The following ZNF776 variants were observed in gnomAD, a reference collection of about 807,000 sequenced individuals.
ZNF776 encodes zinc finger protein 776.
In ZNF776, 4 loss-of-function variants were observed where a neutral mutation model predicts 7.0. The ratio of observed to expected loss-of-function variants is 0.57; its 90% CI spans 0.28 to 1.31. ZNF776 has a LOEUF of 1.31. Ranked by LOEUF, ZNF776 falls within the 50% of genes most tolerant of loss-of-function variation. The pLI is 0.10. For missense variants in ZNF776, 555 were observed against 625.9 expected (o/e 0.89, Z 1.21); for synonymous variants, 212 against 213.7 (o/e 0.99, Z 0.07).
chr19:57,748,809 G>T (rs1167556518), intron 1 of ZNF776, among the ~76,000 whole-genome samples: 1 of 152,058 alleles, frequency 6.6e-6, no homozygotes, highest in East Asian at 1.9e-4. Flanking sequence ...TGACACTTAG[G>T]CCAGAGTGGT....
At chr19:57,750,649 GC>G in intron 1 of ZNF776, 135 bp from the exon 2 acceptor site, 1 of 1,159,334 alleles carries the variant, frequency 8.6e-7, no homozygotes, top group Non-Finnish European at 1.2e-6. Flanking sequence ...TGACCAGTGA[GC>G]CCATGAGAAG....
chr19:57,752,499 C>T (rs906185537), intron 2 of ZNF776, among the ~76,000 whole-genome samples: 4 of 152,144 alleles, frequency 2.6e-5, no homozygotes, highest in Non-Finnish European at 4.4e-5. Context: ...CAGCTAAACC[C>T]AGGCTCAGCA....
rs997400138 is a variant in ZNF776 at position 57,754,960 on chromosome 19, A to G, written c.*273A>G. The stretch of plus-strand genomic sequence containing the variant: ...GGGGAATTTGGGAAATTACCTAACA[A>G]GAAGTCCCACCTCACTGAACACTAC... On this transcript the variant is annotated 3_prime_UTR_variant, in exon 3 of 3. Transcript: ENST00000317178. 1.9e-5 allele frequency: 9 copies of G among 465,762 alleles called. No individual in the cohort carries two copies. The highest frequency in any genetic ancestry group is 5.8e-4 in the Middle Eastern group (1 of 1,720). 28.9% of individuals were successfully genotyped at this position (465,762 alleles called of 1,614,324 possible).
Position 57,753,902 on chromosome 19 carries a change from C to T in ZNF776, c.772C>T (p.Arg258Cys), listed in dbSNP as rs774740912. ...SNSFNNHQGV[R>C]TGKRPYQCGQ... ...TAGTTTTAATAATCATCAGGGAGTT[C>T]GCACTGGAAAAAGACCTTATCAGTG... is the stretch of plus-strand genomic sequence containing the variant. The change falls in exon 3 of 3, where the codon CGC becomes TGC. Residue 258 changes from arginine (R) to cysteine (C), a missense_variant. Coordinates refer to ENST00000317178, the MANE Select transcript of ZNF776 (RefSeq NM_173632.4). 58 of 1,614,066 alleles carry T rather than the reference C, an allele frequency of 3.6e-5. No individual in the cohort carries two copies. The highest frequency in any genetic ancestry group is 1.6e-4 in the Middle Eastern group (1 of 6,084).
At chr19:57,750,127 A>G (rs1986556227) in intron 1 of ZNF776, among the ~76,000 whole-genome samples, 1 of 152,008 alleles carries the variant, frequency 6.6e-6, no homozygotes, top group African/African-American at 2.4e-5. Flanking sequence ...CAGTCTAAAG[A>G]ATGATGTGTA....
rs1986757867 is a variant in ZNF776 at position 57,755,707 on chromosome 19, A to G, written c.*1020A>G. 2.0e-5 allele frequency: 3 copies of G among 152,204 alleles called. No homozygotes were observed. Among genetic ancestry groups the G allele is most frequent in the African/African-American group, 7.2e-5 (3 of 41,448 alleles). 9.4% of individuals were successfully genotyped at this position (152,204 alleles called of 1,614,324 possible). On this transcript the variant is annotated 3_prime_UTR_variant, in exon 3 of 3. Transcript: ENST00000317178. The stretch of plus-strand genomic sequence containing the variant: ...TAAATTCCAGGTATATGGGAGCTGT[A>G]TTGCATTTCTTATCCTGCGTATGTC...
intron 2 of ZNF776, among the ~76,000 whole-genome samples, chr19:57,752,156 C>T (rs139089931): frequency 1.8e-3 from 279 of 152,172 alleles, no homozygotes; most frequent in African/African-American, 6.5e-3. Context: ...AGGCGTGAGC[C>T]ACCGTGCCCG....
intron 1 of ZNF776, among the ~76,000 whole-genome samples, chr19:57,747,904 G>A (rs1171490967): frequency 6.6e-6 from 1 of 151,152 alleles, no homozygotes; most frequent in African/African-American, 2.4e-5. Context: ...CTTAAACCCA[G>A]GATCCAAAGT....
rs768825787 is a variant in ZNF776, at chr19:57,751,868, GTTTT to G, written c.160+976_160+979del. On this transcript the variant is annotated intron_variant, in intron 2 of 2. Coordinates refer to ENST00000317178, the MANE Select transcript of ZNF776 (RefSeq NM_173632.4). ...TTTGTTCATTTGTATTTTTGGTTTT[GTTTT>G]TTTTTTTTTTTTTTTTTTGAGACGG... Among the ~76,000 whole-genome samples, 36 of 67,526 alleles carry G rather than the reference GTTTT, an allele frequency of 5.3e-4. No homozygotes were observed. In the East Asian group the frequency reaches 9.3e-3, roughly 17 times the overall value. The allele number at this position is 67,526 out of a possible 152,430, so 44.3% of individuals were successfully genotyped here. A position where few individuals can be genotyped will look rare whatever the true frequency, so the allele number is the denominator to read the frequency against.
Position 57,755,997 on chromosome 19 carries a change from GGAA to G in ZNF776, c.*1317_*1319del, listed in dbSNP as rs1365141128. On this transcript the variant is annotated 3_prime_UTR_variant, in exon 3 of 3. Transcript: ENST00000317178. The stretch of plus-strand genomic sequence containing the variant: ...TCTTTTGGCTTTCCTGGTCCACATT[GGAA>G]GAAGAATTGTCTTGTGCCGCATATG... 6.6e-6 allele frequency: 1 copy of G among 152,140 alleles called. No homozygotes were observed. Among genetic ancestry groups the G allele is most frequent in the Non-Finnish European group, 1.5e-5 (1 of 68,036 alleles). 9.4% of individuals were successfully genotyped at this position (152,140 alleles called of 1,614,324 possible).
chr19:57,755,286 G>GA lies in ZNF776; in HGVS notation c.*602dup, dbSNP rs1986744558. On this transcript the variant is annotated 3_prime_UTR_variant, in exon 3 of 3. Transcript: ENST00000317178. ...AGGCCTCAACAGTGTAGCAAATATG[G>GA]AAAGACATTCACTAGAAGCTCTGCC... The GA allele has an allele frequency of 6.5e-6, 1 of 152,852 alleles. No homozygotes were observed. The highest frequency in any genetic ancestry group is 6.5e-5 in the Admixed American group (1 of 15,364). 9.5% of individuals were successfully genotyped at this position (152,852 alleles called of 1,614,324 possible). A position where few individuals can be genotyped will look rare whatever the true frequency, so the allele number is the denominator to read the frequency against.
Position 57,754,763 on chromosome 19 carries a change from G to A in ZNF776, c.*76G>A, listed in dbSNP as rs1986728131. 1.5e-5 allele frequency: 22 copies of A among 1,466,972 alleles called. No individual in the cohort carries two copies. The South Asian group carries it at 2.9e-4, about 19-fold the overall frequency. The allele number at this position is 1,466,972 out of a possible 1,614,324, so 90.9% of individuals were successfully genotyped here. A position where few individuals can be genotyped will look rare whatever the true frequency, so the allele number is the denominator to read the frequency against. On this transcript the variant is annotated 3_prime_UTR_variant, in exon 3 of 3. Coordinates refer to ENST00000317178, the MANE Select transcript of ZNF776 (RefSeq NM_173632.4). The stretch of plus-strand genomic sequence containing the variant: ...AGATCACACTGGAAAGCACTTATGA[G>A]TATGGAGAATGTGCAAAATCATCTA...
chr19:57,748,575 A>G (rs1036901471), intron 1 of ZNF776, among the ~76,000 whole-genome samples: 5 of 152,080 alleles, frequency 3.3e-5, no homozygotes, highest in African/African-American at 1.2e-4. Context: ...TCTGGTGGTA[A>G]ATCTTTTAGG....
At position 57,753,690 on chromosome 19, in the gene ZNF776, C is replaced by T. The variant is rs954600196; in HGVS notation, c.560C>T (p.Thr187Ile). 1 of 1,614,204 alleles carries T rather than the reference C, an allele frequency of 6.2e-7. No homozygotes were observed. The part of the protein sequence containing the change: ...LRLLQQEDIH[T>I]SGKSNFETKH... ...TTACTCCAACAAGAGGACATTCACA[C>T]TTCAGGGAAGTCAAACTTTGAAACT... is the stretch of plus-strand genomic sequence containing the variant. The change falls in exon 3 of 3, where the codon ACT (threonine) becomes ATT (isoleucine). Residue 187 changes from threonine to isoleucine, a missense_variant. By Grantham distance (89) the Thr-to-Ile change is moderately conservative. Coordinates refer to ENST00000317178, the MANE Select transcript of ZNF776 (RefSeq NM_173632.4).
rs1263291793 is a variant in ZNF776 at position 57,757,684 on chromosome 19, C to G, written c.*2997C>G. The stretch of plus-strand genomic sequence containing the variant: ...TGGTGACTCATGCCTGTTATCCCAA[C>G]ACTTTGGGAGTCCAGGGTGGGAGTA... On this transcript the variant is annotated 3_prime_UTR_variant, in exon 3 of 3. Coordinates refer to ENST00000317178, the MANE Select transcript of ZNF776 (RefSeq NM_173632.4). The G allele has an allele frequency of 6.6e-6, 1 of 152,224 alleles. No individual in the cohort carries two copies. Among genetic ancestry groups the G allele is most frequent in the African/African-American group, 2.4e-5 (1 of 41,458 alleles). The allele number at this position is 152,224 out of a possible 1,614,324, so 9.4% of individuals were successfully genotyped here. A position where few individuals can be genotyped will look rare whatever the true frequency, so the allele number is the denominator to read the frequency against.
intron 2 of ZNF776, among the ~76,000 whole-genome samples, chr19:57,751,868 G>GTTTTTTTTTTTTTTTTTTT (rs768825787): frequency 4.4e-5 from 3 of 67,506 alleles, no homozygotes; most frequent in African/African-American, 5.5e-5. Context: ...TTTTGGTTTT[G>GTTTTTTTTTTTTTTTTTTT]TTTTTTTTTT....
chr19:57,748,939 G>A (rs1229903103), intron 1 of ZNF776, among the ~76,000 whole-genome samples: 1 of 151,882 alleles, frequency 6.6e-6, no homozygotes, highest in African/African-American at 2.4e-5. Context: ...AGTAGGTCTT[G>A]GGCCTTAAAT....
chr19:57,747,696 T>C (rs1185154713), intron 1 of ZNF776, among the ~76,000 whole-genome samples: 1 of 152,160 alleles, frequency 6.6e-6, no homozygotes, highest in Non-Finnish European at 1.5e-5. Flanking sequence ...GGATACATTC[T>C]TGTAGCTTGT....
rs1183829534 is a variant in ZNF776 at position 57,756,524 on chromosome 19, C to T, written c.*1837C>T. ...GGAACAGTATGAAGGCAGAATATAG[C>T]TCTGCATTTGTGGCCTAGTTTGGAT... On this transcript the variant is annotated 3_prime_UTR_variant, in exon 3 of 3. Transcript: ENST00000317178. 1.2e-5 allele frequency: 2 copies of T among 166,058 alleles called. No homozygotes were observed. The highest frequency in any genetic ancestry group is 2.6e-5 in the Non-Finnish European group (2 of 76,566). 10.3% of individuals were successfully genotyped at this position (166,058 alleles called of 1,614,324 possible).
Sources: gnomAD v4.1 joint callset for allele counts (sites outside exome capture counted in the v4.1 genomes callset) on GRCh38, gnomAD v4.1.1 for gene constraint, MANE v1.5 for transcripts, NCBI Gene and HGNC (gene_info 2026-07-23, HGNC 2026-07-21) for gene names.